The following MEGF8 variants were observed in gnomAD, a reference collection of about 807,000 sequenced individuals.
The protein encoded by MEGF8 is multiple epidermal growth factor-like domains protein 8.
A neutral mutation model predicts 302.9 loss-of-function variants in MEGF8; 156 were observed. That is an observed-to-expected ratio of 0.52 (90% CI 0.45 to 0.59). The LOEUF (loss-of-function observed/expected upper bound fraction) is 0.59. Among genes scored for constraint, MEGF8 ranks in the 20% least tolerant of loss-of-function variants. The pLI is 0.00. For missense variants in MEGF8, 3,345 were observed against 3,964.5 expected (o/e 0.84, Z 4.20); for synonymous variants, 1,621 against 1,660.5 (o/e 0.98, Z 0.58).
At chr19:42,332,636 G>A (rs957887081) in intron 1 of MEGF8, among the ~76,000 whole-genome samples, 21 of 152,228 alleles carry the variant, frequency 1.4e-4, no homozygotes, top group African/African-American at 5.1e-4. Context: ...AAAGTGCTGG[G>A]ATTACAGGTG....
chr19:42,360,707 A>G (rs1166224216), intron 31 of MEGF8, 68 bp from the exon 32 acceptor site: 23 of 1,541,620 alleles, frequency 1.5e-5, no homozygotes, highest in African/African-American at 1.2e-4. Context: ...TCTGACTGGC[A>G]TCATGGTGTG....
Position 42,368,425 on chromosome 19 carries a change from C to T in MEGF8, c.6274-30C>T. 6.5e-7 allele frequency: 1 copy of T among 1,531,086 alleles called. No individual in the cohort carries two copies. The highest frequency in any genetic ancestry group is 2.3e-5 in the East Asian group (1 of 42,610). 94.8% of individuals were successfully genotyped at this position (1,531,086 alleles called of 1,614,324 possible). On this transcript the variant is annotated intron_variant, in intron 35 of 41. Coordinates refer to ENST00000251268, the MANE Select transcript of MEGF8 (RefSeq NM_001271938.2). This position sits in a 1 kb window ranked among gnomAD's most constrained non-coding sequence, Gnocchi z 4.9. ...GCTTATTTCCCCATCTCTCTCTTCC[C>T]TGCATCCCCATCCCCTCCCCCCCAT... is the stretch of plus-strand genomic sequence containing the variant.
chr19:42,334,293 C>T, intron 3 of MEGF8, 80 bp downstream of exon 3: 1 of 1,329,472 alleles, frequency 7.5e-7, no homozygotes, highest in South Asian at 1.5e-5. Context: ...TAGGTCTGAC[C>T]TTGCTCCTGC....
chr19:42,351,276 CG>C lies in MEGF8; in HGVS notation c.2801del (p.Gly934AlafsTer7). ...SRKGDAACSR[R>X]GRGRGALKSP... is the part of the protein sequence containing the mutation. ...CAAAGGGGACGCGGCATGCAGCCGG[CG>C]GGGCCGGGGTCGGGGTGCCCTGAAG... is the stretch of plus-strand genomic sequence containing the variant. On this transcript the variant is annotated frameshift_variant, in exon 16 of 42. Coordinates refer to ENST00000251268, the MANE Select transcript of MEGF8 (RefSeq NM_001271938.2). LOFTEE classifies it high-confidence loss of function. The surrounding 1 kb of genome is among the most constrained non-coding windows in gnomAD (Gnocchi z 5.6). The C allele has an allele frequency of 6.4e-7, 1 of 1,571,528 alleles. No homozygotes were observed. The highest frequency in any genetic ancestry group is 1.3e-5 in the African/African-American group (1 of 74,306).
rs2039402188 is a variant in MEGF8, at chr19:42,353,234, C to T, written c.3550+107C>T. The T allele has an allele frequency of 8.9e-7, 1 of 1,128,536 alleles. No homozygotes were observed. The highest frequency in any genetic ancestry group is 2.8e-5 in the Admixed American group (1 of 35,638). 69.9% of individuals were successfully genotyped at this position (1,128,536 alleles called of 1,614,324 possible). A position where few individuals can be genotyped will look rare whatever the true frequency, so the allele number is the denominator to read the frequency against. On this transcript the variant is annotated intron_variant, in intron 20 of 41. Coordinates refer to ENST00000251268, the MANE Select transcript of MEGF8 (RefSeq NM_001271938.2). The surrounding 1 kb of genome is among the most constrained non-coding windows in gnomAD (Gnocchi z 6.1). ...GGGGCCTCAGTGTCCTCTCATGCAG[C>T]TCTAGGTCCCCTGCCCCATTCCTGT...
intron 8 of MEGF8, among the ~76,000 whole-genome samples, chr19:42,338,825 A>ATT (rs55994617): frequency 1.0e-3 from 48 of 47,164 alleles, no homozygotes; most frequent in Non-Finnish European, 1.4e-3. Context: ...CTTTCTATGT[A>ATT]TTTTTTTTTT....
At position 42,344,761 on chromosome 19, in the gene MEGF8, C is replaced by T. The variant is rs1182586157; in HGVS notation, c.2025C>T (p.Val675=). 2 of 1,611,968 alleles carry T rather than the reference C, an allele frequency of 1.2e-6. No homozygotes were observed. The highest frequency in any genetic ancestry group is 1.7e-6 in the Non-Finnish European group (2 of 1,178,798). ...PVFVTSLEAC[V]TQSFLPGLHL... ...TCGTCACGTCCCTGGAGGCCTGCGT[C>T]ACCCAGAGCTTCCTGCCTGGCCTGC... Residue 675 remains valine, a synonymous_variant, in exon 12 of 42, where the codon GTC becomes GTT. Transcript: ENST00000251268. This position sits in a 1 kb window ranked among gnomAD's most constrained non-coding sequence, Gnocchi z 4.5.
rs779686316 is a variant in MEGF8, at chr19:42,362,183, T to C, written c.5814T>C (p.His1938=). 1 of 1,610,818 alleles carries C rather than the reference T, an allele frequency of 6.2e-7. No homozygotes were observed. The highest frequency in any genetic ancestry group is 8.5e-7 in the Non-Finnish European group (1 of 1,179,096). Residue 1938 remains histidine, a synonymous_variant, in exon 33 of 42, where the codon CAT becomes CAC. Transcript: ENST00000251268. The stretch of plus-strand genomic sequence containing the variant: ...CCTGCAGTGAGTGCCTGGCCCGCCA[T>C]CCTCGGACCCTGCAACCTGGAGATG... The part of the protein sequence containing the change: ...LRTCSECLAR[H]PRTLQPGDGE...
chr19:42,362,069 G>A (rs750520362), intron 32 of MEGF8, 21 bp from the exon 33 acceptor site: 5 of 1,610,046 alleles, frequency 3.1e-6, no homozygotes, highest in Admixed American at 1.7e-5. Flanking sequence ...GTGTGAGTGA[G>A]CCAGGCCTCA....
Position 42,352,235 on chromosome 19 carries a change from C to G in MEGF8, c.3129C>G (p.Pro1043=). ...GCCTACAGGGGGACTTCTCAGGGCC[C>G]CTCGGTGGGGGTAACTGCTCCCTGT... ...GRCLQGDFSG[P]LGGGNCSLWV... Residue 1043 remains proline (P), a synonymous_variant, in exon 19 of 42, where the codon CCC becomes CCG. Transcript: ENST00000251268. The surrounding 1 kb of genome is among the most constrained non-coding windows in gnomAD (Gnocchi z 4.4). 6.4e-7 allele frequency: 1 copy of G among 1,553,492 alleles called. No homozygotes were observed. The highest frequency in any genetic ancestry group is 1.9e-5 in the Admixed American group (1 of 52,094).
At position 42,352,316 on chromosome 19, in the gene MEGF8, C is replaced by T. The variant is rs1391575711; in HGVS notation, c.3210C>T (p.Ala1070=). The T allele has an allele frequency of 1.3e-5, 21 of 1,579,350 alleles. No homozygotes were observed. The South Asian group carries it at 1.9e-4, about 14-fold the overall frequency. ...PVALPARWAY[A]RCPDVDECRL... Reference sequence around the variant, plus strand: ...CCCTCCCTGCCCGCTGGGCATACGCCCGCTGTCCTGACGTGGATGAGTGTC... The same window carrying T: ...CCCTCCCTGCCCGCTGGGCATACGCTCGCTGTCCTGACGTGGATGAGTGTC... The change falls in exon 19 of 42, where the codon GCC becomes GCT. Residue 1070 remains alanine, a synonymous_variant. Transcript: ENST00000251268. This position sits in a 1 kb window ranked among gnomAD's most constrained non-coding sequence, Gnocchi z 4.4.
chr19:42,363,342 TC>T, intron 35 of MEGF8, 80 bp downstream of exon 35: 2 of 1,184,466 alleles, frequency 1.7e-6, no homozygotes, highest in African/African-American at 1.5e-5. Context: ...GGACCTTTCT[TC>T]CACCATCTCC....
In MEGF8 at chr19:42,344,151, A is replaced by G; in HGVS notation, c.1788+78A>G. On this transcript the variant is annotated intron_variant, in intron 10 of 41. Coordinates refer to ENST00000251268, the MANE Select transcript of MEGF8 (RefSeq NM_001271938.2). The surrounding 1 kb of genome is among the most constrained non-coding windows in gnomAD (Gnocchi z 4.5). ...TGTCTCCCTCTGCCTAACCAGATGG[A>G]CAAGAACTTTCCCTCAACTGGGAGA... 6.6e-7 allele frequency: 1 copy of G among 1,522,218 alleles called. No homozygotes were observed. Among genetic ancestry groups the G allele is most frequent in the Non-Finnish European group, 8.8e-7 (1 of 1,134,988 alleles). 94.3% of individuals were successfully genotyped at this position (1,522,218 alleles called of 1,614,324 possible). A position where few individuals can be genotyped will look rare whatever the true frequency, so the allele number is the denominator to read the frequency against.
rs146355445 is a variant in MEGF8 at position 42,349,542 on chromosome 19, G to A, written c.2342G>A (p.Arg781Gln). The A allele has an allele frequency of 8.9e-5, 144 of 1,611,842 alleles. No homozygotes were observed. Among genetic ancestry groups the A allele is most frequent in the Middle Eastern group, 3.4e-4 (2 of 5,948 alleles). ...GTGGCTCATCAGGAGAAGGAGACGCGGCGGCTGCAGCGCCCTGGGTCTGCT... is the reference window on the plus strand; with the variant it reads ...GTGGCTCATCAGGAGAAGGAGACGCAGCGGCTGCAGCGCCCTGGGTCTGCT... The part of the protein sequence containing the change: ...RWVAHQEKET[R>Q]RLQRPGSARL... Residue 781 changes from arginine (R) to glutamine (Q), a missense_variant, in exon 14 of 42, where the codon CGG becomes CAG. By Grantham distance (43) the Arg-to-Gln change is conservative (BLOSUM62 1). Transcript: ENST00000251268.
chr19:42,360,724 T>G, intron 31 of MEGF8, 51 bp from the exon 32 acceptor site: 6 of 1,548,116 alleles, frequency 3.9e-6, no homozygotes, highest in Non-Finnish European at 4.4e-6. Context: ...TGTGGGTCTC[T>G]TCCTGGAGTC....
Position 42,376,687 on chromosome 19 carries a change from G to GT in MEGF8, c.8451dup (p.Gly2818TrpfsTer97). The GT allele has an allele frequency of 2.6e-6, 4 of 1,517,542 alleles. No homozygotes were observed. Among genetic ancestry groups the GT allele is most frequent in the Non-Finnish European group, 3.5e-6 (4 of 1,132,460 alleles). The allele number at this position is 1,517,542 out of a possible 1,614,324, so 94.0% of individuals were successfully genotyped here. A position where few individuals can be genotyped will look rare whatever the true frequency, so the allele number is the denominator to read the frequency against. On this transcript the variant is annotated frameshift_variant, in exon 42 of 42. Transcript: ENST00000251268. LOFTEE classifies it high-confidence loss of function. The surrounding 1 kb of genome is among the most constrained non-coding windows in gnomAD (Gnocchi z 8.2). ...AGGCTGCACGAGTACTGTGGGGGTG[G>GT]TGGGGGTGCTGGGGGCAGTGGGCAT...
rs771910535 is a variant in MEGF8 at position 42,351,323 on chromosome 19, G to C, written c.2844G>C (p.Pro948=). Residue 948 remains proline, a synonymous_variant, in exon 16 of 42, where the codon CCG becomes CCC. Transcript: ENST00000251268. The surrounding 1 kb of genome is among the most constrained non-coding windows in gnomAD (Gnocchi z 5.6). ...TGAAGAGTCCAGAGGAGTGTCCCCCGCTCTGCAGCCAGTGAGTCAGGCTGG... is the reference window on the plus strand; with the variant it reads ...TGAAGAGTCCAGAGGAGTGTCCCCCCCTCTGCAGCCAGTGAGTCAGGCTGG... ...GALKSPEECP[P]LCSQRLTCED... 1.3e-6 allele frequency: 2 copies of C among 1,567,910 alleles called. No homozygotes were observed. The highest frequency in any genetic ancestry group is 8.6e-7 in the Non-Finnish European group (1 of 1,156,070).
Position 42,336,986 on chromosome 19 carries a change from G to C in MEGF8, c.1390+34G>C. On this transcript the variant is annotated intron_variant, in intron 7 of 41. Coordinates refer to ENST00000251268, the MANE Select transcript of MEGF8 (RefSeq NM_001271938.2). This position sits in a 1 kb window ranked among gnomAD's most constrained non-coding sequence, Gnocchi z 4.8. ...GCTCCCCAATCCTGCCTGCCTGCCT[G>C]CTGAGGGCCTGAGCCAACCCTGAGC... 1 of 1,613,614 alleles carries C rather than the reference G, an allele frequency of 6.2e-7. No individual in the cohort carries two copies. The highest frequency in any genetic ancestry group is 1.1e-5 in the South Asian group (1 of 91,038).
chr19:42,335,403 G>T lies in MEGF8; in HGVS notation c.828+18G>T, dbSNP rs1466901670. On this transcript the variant is annotated intron_variant, in intron 5 of 41. Transcript: ENST00000251268. ...CTGCCCCGGTATGGACCCCTCCTCTGCCCTGGAGGAGCCTTTCCACTCAAT... is the reference window on the plus strand; with the variant it reads ...CTGCCCCGGTATGGACCCCTCCTCTTCCCTGGAGGAGCCTTTCCACTCAAT... The T allele has an allele frequency of 1.6e-5, 26 of 1,609,370 alleles. No individual in the cohort carries two copies. The highest frequency in any genetic ancestry group is 2.2e-5 in the Non-Finnish European group (26 of 1,175,914).
Sources: gnomAD v4.1 joint callset for allele counts (sites outside exome capture counted in the v4.1 genomes callset) on GRCh38, gnomAD v4.1.1 for gene constraint, Gnocchi (gnomAD v3.1) non-coding constraint, MANE v1.5 for transcripts, NCBI Gene and HGNC (gene_info 2026-07-23, HGNC 2026-07-21) for gene names.